Variants in SNAP91 observed in about 807,000 individuals in gnomAD.
The protein encoded by SNAP91 is clathrin coat assembly protein AP180.
A neutral mutation model predicts 100.3 loss-of-function variants in SNAP91; 27 were observed. The ratio of observed to expected loss-of-function variants is 0.27; its 90% CI spans 0.20 to 0.37. SNAP91 has a LOEUF of 0.37. Ranked by LOEUF, SNAP91 falls within the 10% of genes least tolerant of loss-of-function variation. The probability of loss-of-function intolerance (pLI) is 1.00; values close to 1 mark genes in which losing one functional copy is unlikely to be tolerated. For synonymous variants in SNAP91, 404 were observed against 398.6 expected (o/e 1.01, Z -0.16); for missense variants, 986 against 1,123.7 (o/e 0.88, Z 1.75).
intron 9 of SNAP91, among the ~76,000 whole-genome samples, chr6:83,617,663 T>C (rs1197503302): frequency 1.3e-5 from 2 of 151,660 alleles, no homozygotes; most frequent in East Asian, 1.9e-4. Context: ...GCACTGTGTA[T>C]TGGCAAATTT....
rs538576093 is a variant in SNAP91, at chr6:83,575,409, A to G, written c.2331-288T>C. 5.8e-4 allele frequency: 227 copies of G among 390,624 alleles called. 1 individual carries two copies. Among genetic ancestry groups the G allele is most frequent in the African/African-American group, 4.6e-3 (218 of 47,610 alleles). The allele number at this position is 390,624 out of a possible 1,614,324, so 24.2% of individuals were successfully genotyped here. A position where few individuals can be genotyped will look rare whatever the true frequency, so the allele number is the denominator to read the frequency against. Reference sequence around the variant, plus strand: ...ATGTCAGAAAAATCCAACTGGATTCATTTGTTATTAAAAATGCAAATAAAT... The same window carrying G: ...ATGTCAGAAAAATCCAACTGGATTCGTTTGTTATTAAAAATGCAAATAAAT... On this transcript the variant is annotated intron_variant, in intron 25 of 29. Transcript: ENST00000369694.
intron 26 of SNAP91, among the ~76,000 whole-genome samples, chr6:83,570,086 C>G (rs1804131257): frequency 1.3e-5 from 2 of 151,894 alleles, no homozygotes; most frequent in Admixed American, 6.6e-5. Flanking sequence ...TTGGAGGGCT[C>G]AGAAGAAGAT....
chr6:83,593,006 A>T lies in SNAP91; in HGVS notation c.1786T>A (p.Ser596Thr). 6.3e-7 allele frequency: 1 copy of T among 1,581,334 alleles called. No individual in the cohort carries two copies. The highest frequency in any genetic ancestry group is 8.6e-7 in the Non-Finnish European group (1 of 1,163,132). Reference protein sequence around the residue: ...IDLFSTDAFSSPPQGASPVPE... With the variant: ...IDLFSTDAFSTPPQGASPVPE... The stretch of plus-strand genomic sequence containing the variant: ...ACAGGAGAGGCCCCTTGTGGTGGAG[A>T]GGAGAAAGCATCTTCCAAAAGTGAA... Residue 596 changes from serine to threonine, a missense_variant, in exon 20 of 30, where the codon TCT becomes ACT. Ser to Thr is a moderately conservative substitution (Grantham distance 58). This residue lies in a region of SNAP91 where 575 missense variants were observed against 579.9 expected (regional missense o/e 0.99). Coordinates refer to ENST00000369694, the MANE Select transcript of SNAP91 (RefSeq NM_001242792.2).
At chr6:83,678,970 C>A in intron 2 of SNAP91, 2 of 884,096 alleles carry the variant, frequency 2.3e-6, no homozygotes, top group Non-Finnish European at 2.9e-6. Context: ...ATACAGCTGG[C>A]CTTCTATATC....
intron 23 of SNAP91, 123 bp from the exon 24 acceptor site, chr6:83,580,722 G>GAGAT: frequency 1.1e-6 from 1 of 904,594 alleles, no homozygotes; most frequent in Non-Finnish European, 1.6e-6. Flanking sequence ...ATAAAAGAAG[G>GAGAT]CAAGTAATTC....
chr6:83,576,035 G>A lies in SNAP91; in HGVS notation c.2318C>T (p.Thr773Ile), dbSNP rs771810406. Residue 773 changes from threonine to isoleucine, a missense_variant, in exon 25 of 30, where the codon ACC (threonine) becomes ATC (isoleucine). Transcript: ENST00000369694. ...SLVGNLGISG[T>I]TTKKGDLQWN... is the part of the protein sequence containing the mutation. ...TCCAAACACTTACTTTTTTGTTGTG[G>A]TACCAGAAATTCCAAGATCTATAAA... The A allele has an allele frequency of 5.0e-6, 7 of 1,413,188 alleles. No homozygotes were observed. In the South Asian group the frequency reaches 9.2e-5, roughly 19 times the overall value. The allele number at this position is 1,413,188 out of a possible 1,614,324, so 87.5% of individuals were successfully genotyped here. A position where few individuals can be genotyped will look rare whatever the true frequency, so the allele number is the denominator to read the frequency against.
At chr6:83,628,957 G>T (rs1220428801) in intron 8 of SNAP91, among the ~76,000 whole-genome samples, 1 of 152,044 alleles carries the variant, frequency 6.6e-6, no homozygotes, top group Non-Finnish European at 1.5e-5. Context: ...GTCTAGAAGG[G>T]TTTTTCCAAT....
At chr6:83,602,308 T>C (rs2095309122) in intron 14 of SNAP91, among the ~76,000 whole-genome samples, 1 of 152,176 alleles carries the variant, frequency 6.6e-6, no homozygotes, top group Non-Finnish European at 1.5e-5. Flanking sequence ...AAAAATGCTA[T>C]CATTACAATG....
In SNAP91 at chr6:83,570,548, C is replaced by G. The variant is rs1047604395; in HGVS notation, c.2442+4462G>C. ...CTCTCATCACAGACCTGGAGGTTTA[C>G]GGGGTGGCGGGGGGGGAAGTGGTTT... On this transcript the variant is annotated intron_variant, in intron 26 of 29. Transcript: ENST00000369694. Among the ~76,000 whole-genome samples, 381 of 74,580 alleles carry G rather than the reference C, an allele frequency of 5.1e-3. 1 individual carries two copies. The highest frequency in any genetic ancestry group is 0.029 in the African/African-American group (365 of 12,616). The allele number at this position is 74,580 out of a possible 152,430, so 48.9% of individuals were successfully genotyped here.
Position 83,604,998 on chromosome 6 carries a change from A to C in SNAP91, c.1141+687T>G, listed in dbSNP as rs2095519587. ...GGTACAGGAAGGCATGGTATTTAAA[A>C]CCAACTCTTTGCAGCTTTGAGCATT... On this transcript the variant is annotated intron_variant, in intron 14 of 29. Transcript: ENST00000369694. Among the ~76,000 whole-genome samples, 3 of 152,072 alleles carry C rather than the reference A, an allele frequency of 2.0e-5. No individual in the cohort carries two copies. The South Asian group carries it at 6.2e-4, about 32-fold the overall frequency.
At chr6:83,677,378 A>G (rs2098925027) in intron 2 of SNAP91, among the ~76,000 whole-genome samples, 1 of 152,194 alleles carries the variant, frequency 6.6e-6, no homozygotes, top group Admixed American at 6.5e-5. Context: ...TCTTCTGACC[A>G]GTTAGAGTAG....
At chr6:83,580,392 A>C in intron 24 of SNAP91, 58 bp downstream of exon 24, 1 of 1,534,672 alleles carries the variant, frequency 6.5e-7, no homozygotes, top group Non-Finnish European at 8.8e-7. Context: ...AGAGAGAAAC[A>C]AAAAACAATT....
chr6:83,631,900 GT>G (rs1584800028), intron 8 of SNAP91, among the ~76,000 whole-genome samples: 1 of 151,996 alleles, frequency 6.6e-6, no homozygotes, highest in African/African-American at 2.4e-5. Context: ...GTATACCTTG[GT>G]TTTTTGTTTT....
intron 9 of SNAP91, among the ~76,000 whole-genome samples, chr6:83,618,834 T>C (rs980527860): frequency 1.1e-4 from 16 of 151,948 alleles, no homozygotes; most frequent in African/African-American, 3.6e-4. Context: ...TAAGATACTT[T>C]GAATGTTAAT....
chr6:83,605,330 AG>A (rs2095542694), intron 14 of SNAP91, among the ~76,000 whole-genome samples: 1 of 152,226 alleles, frequency 6.6e-6, no homozygotes, highest in African/African-American at 2.4e-5. Context: ...CCATAAATTA[AG>A]GGGAATACTC....
chr6:83,677,868 A>G (rs2128887981), intron 2 of SNAP91, among the ~76,000 whole-genome samples: 1 of 152,330 alleles, frequency 6.6e-6, no homozygotes, highest in African/African-American at 2.4e-5. Context: ...AGATCATTCT[A>G]TAGAGGTGGA....
At chr6:83,562,767 G>T (rs2127882749) in intron 26 of SNAP91, among the ~76,000 whole-genome samples, 1 of 152,208 alleles carries the variant, frequency 6.6e-6, no homozygotes, top group East Asian at 1.9e-4. Flanking sequence ...AAATTCCTGT[G>T]GGAAACCTGC....
intron 5 of SNAP91, among the ~76,000 whole-genome samples, chr6:83,661,124 A>G (rs2098536463): frequency 6.6e-6 from 1 of 152,182 alleles, no homozygotes; most frequent in South Asian, 2.1e-4. Flanking sequence ...TGTCATCTAC[A>G]GCCACTATAC....
chr6:83,707,783 TAA>T lies in SNAP91; in HGVS notation c.130+13_130+14del. 6.2e-7 allele frequency: 1 copy of T among 1,612,514 alleles called. No homozygotes were observed. Among genetic ancestry groups the T allele is most frequent in the Non-Finnish European group, 8.5e-7 (1 of 1,179,434 alleles). On this transcript the variant is annotated intron_variant, in intron 2 of 29. Transcript: ENST00000369694. Reference sequence around the variant, plus strand: ...CTGCCGTGCGCATGTCCCTCTTATATAAAGAGATGCTTACAGTCCAGGTGCTT... The same window carrying T: ...CTGCCGTGCGCATGTCCCTCTTATATAGAGATGCTTACAGTCCAGGTGCTT...
Sources: gnomAD v4.1 joint callset for allele counts (sites outside exome capture counted in the v4.1 genomes callset) on GRCh38, gnomAD v4.1.1 for gene constraint, gnomAD v4.1.1 regional missense constraint, MANE v1.5 for transcripts, NCBI Gene and HGNC (gene_info 2026-07-23, HGNC 2026-07-21) for gene names.